Variants in MRC1 observed in about 807,000 individuals in gnomAD.
The protein encoded by MRC1 is macrophage mannose receptor 1.
A neutral mutation model predicts 102.9 loss-of-function variants in MRC1; 62 were observed. The ratio of observed to expected loss-of-function variants is 0.60; its 90% confidence interval spans 0.49 to 0.74. The LOEUF is 0.74. MRC1 is among the 30% of genes least tolerant of loss of function. The pLI is 0.00. For synonymous variants in MRC1, 457 were observed against 298.4 expected (o/e 1.53, Z -5.48); for missense variants, 1,237 against 862.8 (o/e 1.43, Z -5.43).
At chr10:17,856,841 C>T (rs1833100301) in intron 9 of MRC1, among the ~76,000 whole-genome samples, 2 of 152,148 alleles carry the variant, frequency 1.3e-5, no homozygotes, top group South Asian at 4.1e-4. Context: ...GGAGAGGATT[C>T]TTCTCAGTAG....
chr10:17,856,213 A>ATT, intron 8 of MRC1, 29 bp from the exon 9 acceptor site: 1 of 782,466 alleles, frequency 1.3e-6, no homozygotes, highest in Admixed American at 2.0e-5. Context: ...ATAATCCTTT[A>ATT]TTTTTTTCTC....
At chr10:17,831,047 C>T in intron 3 of MRC1, among the ~76,000 whole-genome samples, 1 of 128,526 alleles carries the variant, frequency 7.8e-6, no homozygotes, top group Non-Finnish European at 1.6e-5. Context: ...TGCCACCATA[C>T]CTGGGTAATT....
chr10:17,904,537 C>A (rs1197420374), intron 26 of MRC1, among the ~76,000 whole-genome samples: 2 of 152,140 alleles, frequency 1.3e-5, no homozygotes, highest in Non-Finnish European at 2.9e-5. Context: ...TTAAGACTTT[C>A]TGTCTTTTGG....
chr10:17,885,045 G>T (rs1449355455), intron 21 of MRC1, among the ~76,000 whole-genome samples: 1 of 152,308 alleles, frequency 6.6e-6, no homozygotes, highest in East Asian at 1.9e-4. Context: ...CAGTGGCCTA[G>T]ATAAAACCTA....
At chr10:17,877,765 T>C (rs1421550535) in intron 17 of MRC1, 135 bp from the exon 18 acceptor site, 8 of 744,714 alleles carry the variant, frequency 1.1e-5, no homozygotes, top group Non-Finnish European at 1.5e-5. Context: ...TAATATAGAA[T>C]GTACTACATT....
intron 22 of MRC1, among the ~76,000 whole-genome samples, chr10:17,890,825 C>G (rs551841326): frequency 6.6e-6 from 1 of 152,162 alleles, no homozygotes; most frequent in Non-Finnish European, 1.5e-5. Context: ...CTGAGCCTCA[C>G]AGCAGGAGGC....
intron 1 of MRC1, among the ~76,000 whole-genome samples, chr10:17,813,566 C>A (rs1301891913): frequency 6.6e-6 from 1 of 150,506 alleles, no homozygotes; most frequent in Non-Finnish European, 1.5e-5. Flanking sequence ...TGTTCTCCAT[C>A]TTTCTCAGTG....
rs1183326335 is a variant in MRC1 at position 17,881,192 on chromosome 10, C to G, written c.2980+11C>G. The G allele has an allele frequency of 3.8e-6, 3 of 779,384 alleles. No homozygotes were observed. Among genetic ancestry groups the G allele is most frequent in the Non-Finnish European group, 7.2e-6 (3 of 417,660 alleles). The allele number at this position is 779,384 out of a possible 1,614,324, so 48.3% of individuals were successfully genotyped here. A position where few individuals can be genotyped will look rare whatever the true frequency, so the allele number is the denominator to read the frequency against. The stretch of plus-strand genomic sequence containing the variant: ...ATGAAAAAGAGCAAGGTAGGCAGGC[C>G]ATTTTGCAATTAGTTGTGTGTTTAA... On this transcript the variant is annotated intron_variant, in intron 21 of 29. Coordinates refer to ENST00000569591, the MANE Select transcript of MRC1 (RefSeq NM_002438.4).
At chr10:17,825,078 C>T (rs1056684627) in intron 2 of MRC1, among the ~76,000 whole-genome samples, 1 of 151,946 alleles carries the variant, frequency 6.6e-6, no homozygotes, top group Non-Finnish European at 1.5e-5. Flanking sequence ...TTGCATACTC[C>T]CCAAAGATCT....
At chr10:17,836,022 C>A (rs936861548) in intron 4 of MRC1, among the ~76,000 whole-genome samples, 6 of 152,322 alleles carry the variant, frequency 3.9e-5, no homozygotes, top group Admixed American at 3.3e-4. Flanking sequence ...GCCAGACTGC[C>A]TAGGTCCCAG....
intron 9 of MRC1, among the ~76,000 whole-genome samples, chr10:17,861,083 G>T (rs1233232944): frequency 5.3e-5 from 8 of 152,240 alleles, no homozygotes; most frequent in African/African-American, 1.9e-4. Context: ...GCCAAGGCGG[G>T]TAGATCACTT....
At chr10:17,866,795 T>A in intron 12 of MRC1, 34 bp downstream of exon 12, 2 of 780,756 alleles carry the variant, frequency 2.6e-6, no homozygotes, top group Non-Finnish European at 4.8e-6. Flanking sequence ...TAAGAGAATC[T>A]GGAGTATGCT....
At chr10:17,830,094 C>T (rs983742615) in intron 3 of MRC1, among the ~76,000 whole-genome samples, 5 of 151,246 alleles carry the variant, frequency 3.3e-5, no homozygotes, top group Non-Finnish European at 7.4e-5. Context: ...CAGTCTGTTT[C>T]ATTTTGTGTT....
At chr10:17,833,300 G>A (rs1469099833) in intron 3 of MRC1, among the ~76,000 whole-genome samples, 2 of 152,082 alleles carry the variant, frequency 1.3e-5, no homozygotes, top group African/African-American at 4.8e-5. Flanking sequence ...GCAGGAGAAT[G>A]GCTTGAGAAC....
rs1838189234 is a variant in MRC1, at chr10:17,809,436, T to G, written c.-30T>G. The G allele has an allele frequency of 2.3e-6, 2 of 872,410 alleles. No homozygotes were observed. Among genetic ancestry groups the G allele is most frequent in the Admixed American group, 3.4e-5 (2 of 59,134 alleles). The allele number at this position is 872,410 out of a possible 1,614,324, so 54.0% of individuals were successfully genotyped here. On this transcript the variant is annotated 5_prime_UTR_variant, in exon 1 of 30. Transcript: ENST00000569591. ...CGTCTTAGTTCCGCCCTCCTGTCCATCAGGAGAAGGAAAGGATAAACCCTG... is the reference window on the plus strand; with the variant it reads ...CGTCTTAGTTCCGCCCTCCTGTCCAGCAGGAGAAGGAAAGGATAAACCCTG...
chr10:17,814,371 G>C (rs1838273677), intron 1 of MRC1, among the ~76,000 whole-genome samples: 1 of 152,200 alleles, frequency 6.6e-6, no homozygotes, highest in African/African-American at 2.4e-5. Context: ...TTCACTTCAA[G>C]AGGGGGAAAG....
intron 10 of MRC1, among the ~76,000 whole-genome samples, chr10:17,862,234 G>A (rs893467605): frequency 1.3e-5 from 2 of 152,008 alleles, no homozygotes; most frequent in Non-Finnish European, 2.9e-5. Flanking sequence ...AAAAATCTTT[G>A]GATAAAAATG....
chr10:17,822,526 C>T (rs1331255697), intron 1 of MRC1, among the ~76,000 whole-genome samples: 1 of 152,130 alleles, frequency 6.6e-6, no homozygotes, highest in African/African-American at 2.4e-5. Flanking sequence ...GAGGCTGAGG[C>T]AGGAAGATCA....
At chr10:17,862,543 T>C (rs1042061712) in intron 10 of MRC1, among the ~76,000 whole-genome samples, 1 of 152,222 alleles carries the variant, frequency 6.6e-6, no homozygotes, top group Non-Finnish European at 1.5e-5. Context: ...CTATATTTTA[T>C]ATTTATTTTT....
Sources: allele counts gnomAD v4.1 joint callset (sites outside exome capture counted in the v4.1 genomes callset), GRCh38; gene constraint gnomAD v4.1.1; transcripts MANE v1.5; gene names NCBI Gene and HGNC (gene_info 2026-07-23, HGNC 2026-07-21).